ANO4: variants seen among roughly 807,000 people sequenced by gnomAD.
ANO4 encodes the protein anoctamin 4.
ANO4 carries 69 observed loss-of-function variants against 141.9 expected under a neutral mutation model. The ratio of observed to expected loss-of-function variants is 0.49; its 90% CI spans 0.40 to 0.59. The LOEUF (loss-of-function observed/expected upper bound fraction) is 0.59, where lower values mean the gene tolerates loss of function less well. ANO4 is among the 20% of genes least tolerant of loss of function. The pLI is 0.00. For synonymous variants in ANO4, 350 were observed against 394.3 expected (o/e 0.89, Z 1.33); for missense variants, 894 against 1,162.2 (o/e 0.77, Z 3.36).
chr12:100,862,114 A>G (rs2038510623), intron 1 of ANO4, among the ~76,000 whole-genome samples: 1 of 152,118 alleles, frequency 6.6e-6, no homozygotes, highest in Non-Finnish European at 1.5e-5. Context: ...TTTTAGAGCC[A>G]CGGGGTCTCA....
intron 1 of ANO4, among the ~76,000 whole-genome samples, chr12:100,883,633 T>C (rs2039679507): frequency 6.6e-6 from 1 of 152,244 alleles, no homozygotes; most frequent in African/African-American, 2.4e-5. Flanking sequence ...GATCTTGCTG[T>C]TCCACATTTA....
At chr12:100,843,963 C>T (rs753295495) in intron 1 of ANO4, among the ~76,000 whole-genome samples, 9 of 152,074 alleles carry the variant, frequency 5.9e-5, no homozygotes, top group South Asian at 4.1e-4. Context: ...AAAGTCAAGA[C>T]GATGCATGTC....
intron 1 of ANO4, among the ~76,000 whole-genome samples, chr12:100,728,154 C>G (rs2031219208): frequency 6.6e-6 from 1 of 152,116 alleles, no homozygotes; most frequent in Admixed American, 6.5e-5. Flanking sequence ...AGTGGAAAGA[C>G]ATAAATAGGC....
At chr12:100,829,197 T>C (rs2036513921) in intron 1 of ANO4, among the ~76,000 whole-genome samples, 2 of 152,046 alleles carry the variant, frequency 1.3e-5, no homozygotes. Context: ...AATCATGTTC[T>C]TTGGTGTGAA....
At chr12:100,745,965 A>T (rs2032083378) in intron 3 of ANO4, among the ~76,000 whole-genome samples, 1 of 152,234 alleles carries the variant, frequency 6.6e-6, no homozygotes, top group East Asian at 1.9e-4. Context: ...TTCAAGTAGT[A>T]ATGATAGAGG....
At chr12:100,724,361 C>T (rs1378546322) in intron 1 of ANO4, among the ~76,000 whole-genome samples, 1 of 152,164 alleles carries the variant, frequency 6.6e-6, no homozygotes, top group Non-Finnish European at 1.5e-5. Context: ...TAGGCTGAGA[C>T]AGGGTTTGAG....
intron 5 of ANO4, among the ~76,000 whole-genome samples, chr12:100,955,148 G>A (rs1015584451): frequency 1.3e-5 from 2 of 152,156 alleles, no homozygotes; most frequent in African/African-American, 2.4e-5. Flanking sequence ...AAATGTTCTA[G>A]TTATCTATTA....
intron 1 of ANO4, among the ~76,000 whole-genome samples, chr12:100,804,411 A>G (rs889338419): frequency 6.6e-6 from 1 of 152,116 alleles, no homozygotes; most frequent in Non-Finnish European, 1.5e-5. Flanking sequence ...GCAGTGAACA[A>G]ATGCATGCAT....
intron 5 of ANO4, among the ~76,000 whole-genome samples, chr12:100,949,586 T>C (rs987955691): frequency 6.6e-6 from 1 of 152,224 alleles, no homozygotes; most frequent in African/African-American, 2.4e-5. Context: ...AACACTTTTA[T>C]TTTGGAATAG....
At chr12:101,121,760 T>C (rs1162959106) in intron 26 of ANO4, among the ~76,000 whole-genome samples, 1 of 65,886 alleles carries the variant, frequency 1.5e-5, no homozygotes, top group Non-Finnish European at 5.0e-5. Context: ...TTACTTTTTT[T>C]TTTTTTTTTT....
intron 3 of ANO4, among the ~76,000 whole-genome samples, chr12:100,787,046 G>T (rs1297063503): frequency 6.6e-6 from 1 of 152,144 alleles, no homozygotes; most frequent in Non-Finnish European, 1.5e-5. Flanking sequence ...GAGACATCCA[G>T]TCTTTTTATA....
At chr12:100,998,373 T>A (rs1434843483) in intron 8 of ANO4, among the ~76,000 whole-genome samples, 1 of 100,372 alleles carries the variant, frequency 1.0e-5, no homozygotes, top group Admixed American at 1.0e-4. Context: ...CTTAATAAAC[T>A]CCCCTTTATC....
intron 8 of ANO4, among the ~76,000 whole-genome samples, chr12:100,993,391 A>G (rs1449504822): frequency 6.6e-6 from 1 of 152,190 alleles, no homozygotes; most frequent in Non-Finnish European, 1.5e-5. Context: ...ACTTTAATAC[A>G]ATAGTTTGAG....
At chr12:100,780,104 G>C (rs753389083) in intron 3 of ANO4, among the ~76,000 whole-genome samples, 49 of 152,100 alleles carry the variant, frequency 3.2e-4, no homozygotes, top group Middle Eastern at 6.8e-3. Context: ...GCTCACTGCA[G>C]CCTCGAAATC....
At chr12:101,033,427 C>A (rs1428281759) in intron 9 of ANO4, among the ~76,000 whole-genome samples, 1 of 151,866 alleles carries the variant, frequency 6.6e-6, no homozygotes. Context: ...TGTAACTGAC[C>A]TGCACAATGT....
intron 22 of ANO4, among the ~76,000 whole-genome samples, chr12:101,104,655 A>G (rs1276739367): frequency 1.6e-5 from 1 of 63,276 alleles, no homozygotes; most frequent in Non-Finnish European, 2.9e-5. Context: ...ATATATATAT[A>G]TATATATATA....
At chr12:100,993,688 AAG>A (rs1347194074) in intron 8 of ANO4, among the ~76,000 whole-genome samples, 1 of 152,086 alleles carries the variant, frequency 6.6e-6, no homozygotes, top group Non-Finnish European at 1.5e-5. Flanking sequence ...GACAAGGAAA[AAG>A]AGAGATGAGT....
At chr12:100,919,782 A>ATCT (rs2041547026) in intron 2 of ANO4, among the ~76,000 whole-genome samples, 2 of 128,572 alleles carry the variant, frequency 1.6e-5, no homozygotes, top group Non-Finnish European at 3.5e-5. Flanking sequence ...CTATCTATCT[A>ATCT]ATCTATCTGT....
intron 1 of ANO4, among the ~76,000 whole-genome samples, chr12:100,874,167 A>T (rs2039177180): frequency 6.6e-6 from 1 of 152,222 alleles, no homozygotes; most frequent in Non-Finnish European, 1.5e-5. Flanking sequence ...AGTCTGCTGC[A>T]GGGGTGGAGT....
Sources: allele counts gnomAD v4.1 joint callset (sites outside exome capture counted in the v4.1 genomes callset), GRCh38; gene constraint gnomAD v4.1.1; transcripts MANE v1.5; gene names NCBI Gene and HGNC (gene_info 2026-07-23, HGNC 2026-07-21).